ARMC3: variants seen among roughly 807,000 people sequenced by gnomAD.
ARMC3 encodes the protein armadillo repeat-containing protein 3.
A neutral mutation model predicts 90.3 loss-of-function variants in ARMC3; 74 were observed. The observed-to-expected ratio is 0.82, with a 90% CI of 0.68 to 0.99. The LOEUF (loss-of-function observed/expected upper bound fraction) is 0.99, where lower values mean the gene tolerates loss of function less well. Ranked by LOEUF, ARMC3 falls within the 50% of genes least tolerant of loss-of-function variation. The pLI, the probability that ARMC3 is intolerant of heterozygous loss-of-function variation, is 0.00. For missense variants in ARMC3, 958 were observed against 1,042.8 expected, an observed-to-expected ratio of 0.92 and a Z score of 1.12; for synonymous variants, 334 against 361.8, an observed-to-expected ratio of 0.92 and a Z score of 0.87.
rs1838975254 is a variant in ARMC3 at position 23,032,974 on chromosome 10, T to C, written c.2360T>C (p.Ile787Thr). 4 of 1,612,988 alleles carry C rather than the reference T, an allele frequency of 2.5e-6. No individual in the cohort carries two copies. The highest frequency in any genetic ancestry group is 2.7e-5 in the African/African-American group (2 of 74,866). Residue 787 changes from isoleucine (I) to threonine (T), a missense_variant, in exon 18 of 19, where the codon ATT becomes ACT. By Grantham distance (89) the Ile-to-Thr change is moderately conservative. Transcript: ENST00000298032. ...CAACTTAAATCCAATGTTATACCGATTGGACATGTCAAAAAAGGAATCTTC... is the reference window on the plus strand; with the variant it reads ...CAACTTAAATCCAATGTTATACCGACTGGACATGTCAAAAAAGGAATCTTC... ...KFQLKSNVIP[I>T]GHVKKGIFYH...
chr10:23,029,852 C>T (rs1392405287), intron 16 of ARMC3, among the ~76,000 whole-genome samples: 1 of 151,844 alleles, frequency 6.6e-6, no homozygotes, highest in African/African-American at 2.4e-5. Flanking sequence ...ATGCCATTCT[C>T]ATTTTGTAGG....
Position 22,991,468 on chromosome 10 carries a change from GT to G in ARMC3, c.1176-6670del, listed in dbSNP as rs747875453. 2.9e-4 allele frequency among the ~76,000 whole-genome samples: 43 copies of G among 147,636 alleles called. No individual in the cohort carries two copies. In the East Asian group the frequency reaches 4.1e-3, roughly 14 times the overall value. On this transcript the variant is annotated intron_variant, in intron 10 of 18. Transcript: ENST00000298032. ...TTTTTTCTTTTTTGTTTTGTTTTAG[GT>G]TTTTTTTTTGGTAATGATTCTACCA...
chr10:22,971,302 T>C (rs955696769), intron 8 of ARMC3, among the ~76,000 whole-genome samples: 2 of 152,190 alleles, frequency 1.3e-5, no homozygotes, highest in Non-Finnish European at 2.9e-5. Context: ...GACAGTTGGT[T>C]ACATCTGCCT....
chr10:22,928,671 G>A (rs1833807698), intron 1 of ARMC3, among the ~76,000 whole-genome samples: 2 of 152,178 alleles, frequency 1.3e-5, no homozygotes, highest in African/African-American at 4.8e-5. Flanking sequence ...TATGTCCAAG[G>A]ACGTTCTTTC....
intron 16 of ARMC3, among the ~76,000 whole-genome samples, chr10:23,027,327 A>G (rs1456320953): frequency 1.3e-5 from 2 of 152,282 alleles, no homozygotes; most frequent in South Asian, 2.1e-4. Flanking sequence ...CAGCACATAG[A>G]TCATGTAGGA....
intron 2 of ARMC3, among the ~76,000 whole-genome samples, chr10:22,940,791 A>G (rs1056854274): frequency 6.6e-6 from 1 of 152,126 alleles, no homozygotes. Flanking sequence ...CCAAAATTAT[A>G]TTTTCTTATA....
At chr10:22,968,791 G>A (rs1835556313) in intron 8 of ARMC3, among the ~76,000 whole-genome samples, 1 of 152,132 alleles carries the variant, frequency 6.6e-6, no homozygotes, top group Admixed American at 6.5e-5. Context: ...ACCCTGCCAT[G>A]TCTTATTTTA....
intron 14 of ARMC3, among the ~76,000 whole-genome samples, chr10:23,007,502 C>T (rs995139276): frequency 2.0e-5 from 3 of 152,056 alleles, no homozygotes; most frequent in African/African-American, 4.8e-5. Flanking sequence ...GTCAAGAGAT[C>T]GAGGCCAACA....
At position 23,003,368 on chromosome 10, in the gene ARMC3, T is replaced by G. The variant is rs774295657; in HGVS notation, c.1685T>G (p.Leu562Trp). Residue 562 changes from leucine to tryptophan, a missense_variant, in exon 13 of 19, where the codon TTG (leucine) becomes TGG (tryptophan). Transcript: ENST00000298032. ...LSLKYSQTGY[L>W]SSSNIINDGF... ...CTGAAATACAGCCAGACTGGCTATT[T>G]GTCATCAAGTAACATAATTAACGAT... is the stretch of plus-strand genomic sequence containing the variant. The G allele has an allele frequency of 6.2e-7, 1 of 1,612,206 alleles. No individual in the cohort carries two copies. The highest frequency in any genetic ancestry group is 1.1e-5 in the South Asian group (1 of 90,398).
intron 1 of ARMC3, among the ~76,000 whole-genome samples, chr10:22,930,618 T>C (rs1383730240): frequency 1.3e-5 from 2 of 152,196 alleles, no homozygotes; most frequent in Admixed American, 1.3e-4. Flanking sequence ...TAGGAGTTTC[T>C]ATGAAGACGT....
intron 2 of ARMC3, among the ~76,000 whole-genome samples, chr10:22,940,699 TG>T (rs1263886925): frequency 6.6e-6 from 1 of 152,128 alleles, no homozygotes; most frequent in Non-Finnish European, 1.5e-5. Flanking sequence ...TTGCCCAGGC[TG>T]GTCTTGAATT....
At chr10:22,936,303 AAG>A (rs1185245692) in intron 2 of ARMC3, among the ~76,000 whole-genome samples, 2 of 152,344 alleles carry the variant, frequency 1.3e-5, no homozygotes, top group Admixed American at 6.5e-5. Context: ...TTTTTTAAAA[AAG>A]AAGTTAAAAA....
intron 11 of ARMC3, among the ~76,000 whole-genome samples, chr10:23,000,566 G>A (rs1462175835): frequency 5.3e-5 from 8 of 152,186 alleles, no homozygotes; most frequent in African/African-American, 1.4e-4. Context: ...ATGAACATTT[G>A]TTAAATGAAT....
At chr10:23,034,824 T>C (rs1193531257) in intron 18 of ARMC3, among the ~76,000 whole-genome samples, 2 of 152,188 alleles carry the variant, frequency 1.3e-5, no homozygotes, top group Non-Finnish European at 2.9e-5. Flanking sequence ...TTATGTACTT[T>C]GCAGGGTGAG....
At chr10:22,998,789 CAT>C (rs896826722) in intron 11 of ARMC3, among the ~76,000 whole-genome samples, 3 of 152,196 alleles carry the variant, frequency 2.0e-5, no homozygotes, top group African/African-American at 4.8e-5. Flanking sequence ...TACAGCCCCA[CAT>C]GTCAACAGCG....
chr10:23,027,891 A>G (rs2131557170), intron 16 of ARMC3, among the ~76,000 whole-genome samples: 1 of 152,234 alleles, frequency 6.6e-6, no homozygotes, highest in Admixed American at 6.5e-5. Flanking sequence ...CTGTAATCGC[A>G]GCATTTTGGG....
intron 13 of ARMC3, among the ~76,000 whole-genome samples, chr10:23,006,064 G>A (rs181086504): frequency 1.4e-3 from 210 of 152,212 alleles, no homozygotes; most frequent in African/African-American, 4.5e-3. Context: ...CCTTAGTCCC[G>A]GGCAAATCTG....
At chr10:22,967,833 G>T (rs1835506117) in intron 7 of ARMC3, among the ~76,000 whole-genome samples, 1 of 152,138 alleles carries the variant, frequency 6.6e-6, no homozygotes, top group Non-Finnish European at 1.5e-5. Flanking sequence ...TACATTTCTA[G>T]CTATTTAGGT....
At chr10:22,985,016 G>C (rs1836352236) in intron 10 of ARMC3, among the ~76,000 whole-genome samples, 1 of 148,978 alleles carries the variant, frequency 6.7e-6, no homozygotes, top group African/African-American at 2.5e-5. Flanking sequence ...GAGATTACAG[G>C]CATGCACCAT....
Sources: allele counts gnomAD v4.1 joint callset (sites outside exome capture counted in the v4.1 genomes callset), GRCh38; gene constraint gnomAD v4.1.1; transcripts MANE v1.5; gene names NCBI Gene and HGNC (gene_info 2026-07-23, HGNC 2026-07-21).